The following PIEZO2 variants were observed in gnomAD, a reference collection of about 807,000 sequenced individuals.
PIEZO2 encodes the protein piezo type mechanosensitive ion channel component 2.
In PIEZO2, 172 loss-of-function variants were observed where a neutral mutation model predicts 337.3. The observed-to-expected ratio is 0.51, with a 90% CI of 0.45 to 0.58. The LOEUF (loss-of-function observed/expected upper bound fraction) is 0.58. Ranked by LOEUF, PIEZO2 falls within the 20% of genes least tolerant of loss-of-function variation. The pLI, the probability that PIEZO2 is intolerant of heterozygous loss-of-function variation, is 0.00. For synonymous variants in PIEZO2, 1,251 were observed against 1,228.5 expected, an observed-to-expected ratio of 1.02 and a Z score of -0.38; for missense variants, 3,028 against 3,391.3, an observed-to-expected ratio of 0.89 and a Z score of 2.66.
At chr18:10,961,180 C>CA (rs576531265) in intron 3 of PIEZO2, among the ~76,000 whole-genome samples, 3,859 of 117,430 alleles carry the variant, frequency 0.033, 69 homozygotes, top group Admixed American at 0.052. Flanking sequence ...GACTCCATCT[C>CA]AAAAAAAAAA....
chr18:10,720,090 T>A (rs1483229835), intron 36 of PIEZO2, among the ~76,000 whole-genome samples: 1 of 148,378 alleles, frequency 6.7e-6, no homozygotes, highest in Non-Finnish European at 1.5e-5. Context: ...TAAATCTTCA[T>A]ATTTTTAAAG....
intron 10 of PIEZO2, among the ~76,000 whole-genome samples, 166 bp downstream of exon 10, chr18:10,801,224 T>C (rs1018077959): frequency 6.6e-6 from 1 of 152,240 alleles, no homozygotes; most frequent in Non-Finnish European, 1.5e-5. Context: ...ATGATTATAC[T>C]CAATTTCATT....
Position 10,795,939 on chromosome 18 carries a change from A to G in PIEZO2, c.1528-937T>C, listed in dbSNP as rs1162462917. On this transcript the variant is annotated intron_variant, in intron 12 of 55. Transcript: ENST00000674853. The surrounding 1 kb of genome is among the most constrained non-coding windows in gnomAD (Gnocchi z 4.4). ...GAGATTATAGCTTCTTTTATCTTCTATCTATGGGCCAAGGGTCTGTTTTGA... is the reference window on the plus strand; with the variant it reads ...GAGATTATAGCTTCTTTTATCTTCTGTCTATGGGCCAAGGGTCTGTTTTGA... 1.3e-5 allele frequency among the ~76,000 whole-genome samples: 2 copies of G among 152,150 alleles called. No individual in the cohort carries two copies. Among genetic ancestry groups the G allele is most frequent in the Non-Finnish European group, 2.9e-5 (2 of 68,020 alleles).
At chr18:11,139,067 G>C (rs1354322350) in intron 1 of PIEZO2, among the ~76,000 whole-genome samples, 2 of 152,162 alleles carry the variant, frequency 1.3e-5, no homozygotes, top group African/African-American at 4.8e-5. Context: ...TGTATCTGGA[G>C]CTATTCATAA....
intron 2 of PIEZO2, among the ~76,000 whole-genome samples, chr18:11,065,291 G>A (rs891307181): frequency 1.3e-5 from 2 of 152,184 alleles, no homozygotes; most frequent in South Asian, 2.1e-4. Context: ...CATAGATGGG[G>A]TCAAACAACT....
chr18:10,764,235 T>C (rs2038259692), intron 21 of PIEZO2, among the ~76,000 whole-genome samples: 2 of 152,208 alleles, frequency 1.3e-5, no homozygotes, highest in African/African-American at 4.8e-5. Context: ...TTTAATATTC[T>C]CAGGTAGAAA....
Position 10,865,071 on chromosome 18 carries a change from C to A in PIEZO2, c.492+6182G>T, listed in dbSNP as rs924210598. On this transcript the variant is annotated intron_variant, in intron 5 of 55. Transcript: ENST00000674853. ...ATGAGATTGAACAGCCTGGAAGAGA[C>A]CCAGCAGGAAGAGAGCTTACCCTAG... 7.2e-5 allele frequency among the ~76,000 whole-genome samples: 11 copies of A among 152,118 alleles called. No homozygotes were observed. In the South Asian group the frequency reaches 8.3e-4, roughly 11 times the overall value.
rs1411347949 is a variant in PIEZO2 at position 11,146,204 on chromosome 18, C to A, written c.64+2321G>T. Among the ~76,000 whole-genome samples the A allele has an allele frequency of 6.6e-6, 1 of 152,164 alleles. No individual in the cohort carries two copies. Among genetic ancestry groups the A allele is most frequent in the East Asian group, 1.9e-4 (1 of 5,188 alleles). On this transcript the variant is annotated intron_variant, in intron 1 of 55. Transcript: ENST00000674853. This position sits in a 1 kb window ranked among gnomAD's most constrained non-coding sequence, Gnocchi z 6.1. Reference sequence around the variant, plus strand: ...CCCAGGATCTCCTGGGCAGACTCAGCTGTCCCCGAGGCAAGACGCAGTTTG... The same window carrying A: ...CCCAGGATCTCCTGGGCAGACTCAGATGTCCCCGAGGCAAGACGCAGTTTG...
intron 21 of PIEZO2, among the ~76,000 whole-genome samples, chr18:10,769,557 G>A (rs996348400): frequency 6.6e-6 from 1 of 151,488 alleles, no homozygotes; most frequent in African/African-American, 2.4e-5. Flanking sequence ...AAATAATCCA[G>A]GCATATAGAA....
chr18:11,041,489 G>A (rs1172344575), intron 2 of PIEZO2, among the ~76,000 whole-genome samples: 1 of 152,158 alleles, frequency 6.6e-6, no homozygotes, highest in Non-Finnish European at 1.5e-5. Context: ...AATCCATCCT[G>A]TACTCCACAC....
At chr18:11,049,838 C>A (rs1232569340) in intron 2 of PIEZO2, among the ~76,000 whole-genome samples, 1 of 152,116 alleles carries the variant, frequency 6.6e-6, no homozygotes, top group Non-Finnish European at 1.5e-5. Flanking sequence ...ACCTCTTTTT[C>A]TTTATAAATT....
Position 10,677,933 on chromosome 18 carries a change from A to T in PIEZO2, c.7953-58T>A. On this transcript the variant is annotated intron_variant, in intron 52 of 55. Transcript: ENST00000674853. The surrounding 1 kb of genome is among the most constrained non-coding windows in gnomAD (Gnocchi z 4.1). Reference sequence around the variant, plus strand: ...GATTATTCAGAAGTCTGGAAAAGAGATTTACAACATATTTAACTCTTAATT... The same window carrying T: ...GATTATTCAGAAGTCTGGAAAAGAGTTTTACAACATATTTAACTCTTAATT... The T allele has an allele frequency of 6.9e-7, 1 of 1,457,736 alleles. No individual in the cohort carries two copies. The highest frequency in any genetic ancestry group is 1.3e-5 in the South Asian group (1 of 77,376). 90.3% of individuals were successfully genotyped at this position (1,457,736 alleles called of 1,614,324 possible). A position where few individuals can be genotyped will look rare whatever the true frequency, so the allele number is the denominator to read the frequency against.
chr18:10,730,805 C>A (rs1011973376), intron 36 of PIEZO2, among the ~76,000 whole-genome samples: 1 of 152,172 alleles, frequency 6.6e-6, no homozygotes, highest in African/African-American at 2.4e-5. Flanking sequence ...TGGCTCACTG[C>A]AAGCTCCGCC....
intron 1 of PIEZO2, among the ~76,000 whole-genome samples, chr18:11,122,079 C>T (rs187815311): frequency 3.2e-3 from 492 of 152,216 alleles, no homozygotes; most frequent in African/African-American, 0.011. Flanking sequence ...TCAGCCTCCC[C>T]GGCAGCTGGG....
chr18:10,726,123 G>A lies in PIEZO2; in HGVS notation c.5029+5284C>T, dbSNP rs917232620. 6.6e-6 allele frequency among the ~76,000 whole-genome samples: 1 copy of A among 152,132 alleles called. No homozygotes were observed. Among genetic ancestry groups the A allele is most frequent in the Non-Finnish European group, 1.5e-5 (1 of 68,008 alleles). ...GGAGAGTTCGTGCACGTGTGTGGGT[G>A]CGTGGGTGTAGGGTGGTGGGGGGAT... On this transcript the variant is annotated intron_variant, in intron 36 of 55. Transcript: ENST00000674853. This position sits in a 1 kb window ranked among gnomAD's most constrained non-coding sequence, Gnocchi z 5.9.
intron 1 of PIEZO2, among the ~76,000 whole-genome samples, chr18:11,133,870 C>A (rs1007921768): frequency 2.0e-5 from 3 of 151,638 alleles, no homozygotes; most frequent in South Asian, 2.1e-4. Flanking sequence ...ACTCCTCTCT[C>A]TCTATATATA....
Position 10,766,451 on chromosome 18 carries a change from T to C in PIEZO2, c.2947-3353A>G, listed in dbSNP as rs1054324932. On this transcript the variant is annotated intron_variant, in intron 21 of 55. Transcript: ENST00000674853. The surrounding 1 kb of genome is among the most constrained non-coding windows in gnomAD (Gnocchi z 6.1). ...TACATAACAACTGTCCAGGTGATTCTTACTATCAAGGATTTTGAGAAACAG... is the reference window on the plus strand; with the variant it reads ...TACATAACAACTGTCCAGGTGATTCCTACTATCAAGGATTTTGAGAAACAG... 6.6e-6 allele frequency among the ~76,000 whole-genome samples: 1 copy of C among 152,240 alleles called. No individual in the cohort carries two copies. The highest frequency in any genetic ancestry group is 1.5e-5 in the Non-Finnish European group (1 of 68,040).
At chr18:11,072,023 A>G (rs995731369) in intron 1 of PIEZO2, among the ~76,000 whole-genome samples, 1 of 151,630 alleles carries the variant, frequency 6.6e-6, no homozygotes, top group African/African-American at 2.4e-5. Flanking sequence ...ATCTTCCTGC[A>G]CAGCTCACAT....
rs2039692122 is a variant in PIEZO2 at position 11,110,279 on chromosome 18, T to G, written c.64+38246A>C. Among the ~76,000 whole-genome samples the G allele has an allele frequency of 6.6e-6, 1 of 152,204 alleles. No homozygotes were observed. Among genetic ancestry groups the G allele is most frequent in the African/African-American group, 2.4e-5 (1 of 41,454 alleles). On this transcript the variant is annotated intron_variant, in intron 1 of 55. Transcript: ENST00000674853. This position sits in a 1 kb window ranked among gnomAD's most constrained non-coding sequence, Gnocchi z 4.2. The stretch of plus-strand genomic sequence containing the variant: ...ACTACAGGTGCAAGCCTCCTCATTT[T>G]TCTAATAAACATACACAGAAGATGT...
Sources: gnomAD v4.1 joint callset for allele counts (sites outside exome capture counted in the v4.1 genomes callset) on GRCh38, gnomAD v4.1.1 for gene constraint, Gnocchi (gnomAD v3.1) non-coding constraint, MANE v1.5 for transcripts, NCBI Gene and HGNC (gene_info 2026-07-23, HGNC 2026-07-21) for gene names.